The following PLS3 variants were observed in gnomAD, a reference collection of about 807,000 sequenced individuals.
PLS3 encodes the protein plastin 3.
A neutral mutation model predicts 46.5 loss-of-function variants in PLS3; 11 were observed. The observed-to-expected ratio is 0.24, with a 90% CI of 0.15 to 0.39. PLS3 has a LOEUF of 0.39. PLS3 is among the 10% of genes least tolerant of loss of function. The pLI is 1.00. For synonymous variants in PLS3, 167 were observed against 162.2 expected, an observed-to-expected ratio of 1.03 and a Z score of -0.22; for missense variants, 308 against 461.8, an observed-to-expected ratio of 0.67 and a Z score of 3.05.
Position 115,633,907 on chromosome X carries a change from G to A in PLS3, c.501-93G>A, listed in dbSNP as rs906236666. ...GTACATGAAAGAGATGTTATAGTAAGCTTTAAAATATTTGTAAATATTTAC... is the reference window on the plus strand; with the variant it reads ...GTACATGAAAGAGATGTTATAGTAAACTTTAAAATATTTGTAAATATTTAC... On this transcript the variant is annotated intron_variant, in intron 5 of 15. Transcript: ENST00000355899. The A allele has an allele frequency of 1.3e-5, 7 of 528,712 alleles. No individual in the cohort carries two copies. In the East Asian group the frequency reaches 2.1e-4, roughly 16 times the overall value. 43.6% of individuals were successfully genotyped at this position (528,712 alleles called of 1,213,427 possible).
chrX:115,563,168 A>C (rs1556629756), intron 1 of PLS3, among the ~76,000 whole-genome samples: 1 of 111,855 alleles, frequency 8.9e-6, no homozygotes, highest in African/African-American at 3.2e-5. Context: ...GGCTCTGTTC[A>C]TCTTCCTTGG....
chrX:115,572,092 G>A (rs1045341445), intron 1 of PLS3, among the ~76,000 whole-genome samples: 5 of 111,695 alleles, frequency 4.5e-5, no homozygotes. Flanking sequence ...TAACAGAAAA[G>A]TAATATTGAT....
At chrX:115,638,525 A>G (rs1257416942) in intron 8 of PLS3, among the ~76,000 whole-genome samples, 3 of 111,153 alleles carry the variant, frequency 2.7e-5, no homozygotes, top group Admixed American at 9.6e-5. Context: ...GATTACAGGC[A>G]TGAGCCATGG....
chrX:115,571,622 G>A (rs1006675977), intron 1 of PLS3, among the ~76,000 whole-genome samples: 8 of 111,727 alleles, frequency 7.2e-5, no homozygotes, highest in Non-Finnish European at 1.5e-4. Flanking sequence ...ACATGGCTCA[G>A]TAAATTACAG....
chrX:115,648,138 C>G (rs1340242331), intron 15 of PLS3, 121 bp downstream of exon 15: 1 of 491,136 alleles, frequency 2.0e-6, no homozygotes, highest in Non-Finnish European at 3.5e-6. Context: ...CTTGGAGCCT[C>G]AGATTCCTCA....
At chrX:115,630,866 C>CATGTATAT (rs1454611988) in intron 5 of PLS3, among the ~76,000 whole-genome samples, 1 of 89,509 alleles carries the variant, frequency 1.1e-5, no homozygotes, top group Non-Finnish European at 2.1e-5. Context: ...GTATATTATA[C>CATGTATAT]ATGTATATAT....
At chrX:115,647,195 G>T (rs1206302354) in intron 13 of PLS3, among the ~76,000 whole-genome samples, 1 of 111,507 alleles carries the variant, frequency 9.0e-6, no homozygotes, top group Admixed American at 9.6e-5. Context: ...AGCACTTTGG[G>T]AGGCCAAGGA....
chrX:115,592,113 C>T (rs2074349461), intron 1 of PLS3, among the ~76,000 whole-genome samples: 1 of 111,754 alleles, frequency 8.9e-6, no homozygotes, highest in African/African-American at 3.3e-5. Flanking sequence ...TGTGAGTCAC[C>T]TCCTTATGCT....
At chrX:115,589,184 C>T (rs1556632802) in intron 1 of PLS3, among the ~76,000 whole-genome samples, 1 of 110,618 alleles carries the variant, frequency 9.0e-6, no homozygotes, top group African/African-American at 3.3e-5. Flanking sequence ...GTTGCCCACG[C>T]TGCTCTCGAA....
In PLS3 at chrX:115,636,452, C is replaced by T. The variant is rs1423370639; in HGVS notation, c.749-384C>T. Among the ~76,000 whole-genome samples, 5 of 111,089 alleles carry T rather than the reference C, an allele frequency of 4.5e-5. No homozygotes were observed. In the South Asian group the frequency reaches 1.1e-3, roughly 25 times the overall value. On this transcript the variant is annotated intron_variant, in intron 7 of 15. Coordinates refer to ENST00000355899, the MANE Select transcript of PLS3 (RefSeq NM_005032.7). ...TGATCTCCTGACCTCGTGATCCGCCCGCCTCGGCCTCCCAAAGTGCTGGGA... is the reference window on the plus strand; with the variant it reads ...TGATCTCCTGACCTCGTGATCCGCCTGCCTCGGCCTCCCAAAGTGCTGGGA...
Position 115,649,532 on chromosome X carries a change from T to C in PLS3, c.1864T>C (p.Leu622=), listed in dbSNP as rs1556642203. 1.7e-6 allele frequency: 2 copies of C among 1,209,371 alleles called. No homozygotes were observed. Among genetic ancestry groups the C allele is most frequent in the East Asian group, 3.0e-5 (1 of 33,828 alleles). Residue 622 remains leucine (L), a synonymous_variant, in exon 16 of 16, where the codon TTG becomes CTG. Coordinates refer to ENST00000355899, the MANE Select transcript of PLS3 (RefSeq NM_005032.7). ...PKMVMTVFAC[L]MGRGMKRV ...GATGGTCATGACTGTGTTTGCATGT[T>C]TGATGGGCAGGGGAATGAAGAGAGT... is the stretch of plus-strand genomic sequence containing the variant.
intron 1 of PLS3, among the ~76,000 whole-genome samples, chrX:115,602,699 C>T (rs2074456570): frequency 9.0e-6 from 1 of 110,843 alleles, no homozygotes; most frequent in Non-Finnish European, 1.9e-5. Context: ...CATGTTTTGT[C>T]CCCTCTTTGT....
rs192506642 is a variant in PLS3, at chrX:115,576,915, G to A, written c.-9+15655G>A. On this transcript the variant is annotated intron_variant, in intron 1 of 15. Transcript: ENST00000355899. ...ACAGTGTGCCATCGTTTGAAGAGCTGAGTCTAATCCACCTACTGATTTTTA... is the reference window on the plus strand; with the variant it reads ...ACAGTGTGCCATCGTTTGAAGAGCTAAGTCTAATCCACCTACTGATTTTTA... Among the ~76,000 whole-genome samples, 111 of 112,649 alleles carry A rather than the reference G, an allele frequency of 9.9e-4. No individual in the cohort carries two copies. In the Admixed American group the frequency reaches 0.01, roughly 10 times the overall value.
chrX:115,614,395 T>C, intron 2 of PLS3: 1 of 753,500 alleles, frequency 1.3e-6, no homozygotes, highest in African/African-American at 2.3e-5. Flanking sequence ...TCTAAACTTG[T>C]CCAGCCTTCT....
At chrX:115,576,326 T>C (rs782483665) in intron 1 of PLS3, among the ~76,000 whole-genome samples, 1 of 111,471 alleles carries the variant, frequency 9.0e-6, no homozygotes, top group Admixed American at 9.6e-5. Context: ...CCCAGCACTT[T>C]AGGAGGCCGA....
At chrX:115,646,997 G>T (rs1556641797) in intron 13 of PLS3, among the ~76,000 whole-genome samples, 1 of 112,118 alleles carries the variant, frequency 8.9e-6, no homozygotes, top group Non-Finnish European at 1.9e-5. Context: ...ACAGTGGGCT[G>T]TTGGACCTGC....
chrX:115,596,231 T>C (rs1367054593), intron 1 of PLS3, among the ~76,000 whole-genome samples: 1 of 111,800 alleles, frequency 8.9e-6, no homozygotes, highest in African/African-American at 3.3e-5. Flanking sequence ...TTCACAGCTT[T>C]CTCCAATAGA....
intron 2 of PLS3, among the ~76,000 whole-genome samples, chrX:115,611,343 G>C: frequency 9.0e-6 from 1 of 111,400 alleles, no homozygotes; most frequent in South Asian, 3.6e-4. Context: ...ATGATCGCGC[G>C]CACGCGCGTG....
intron 3 of PLS3, among the ~76,000 whole-genome samples, chrX:115,628,396 T>C (rs1382132203): frequency 8.9e-6 from 1 of 112,455 alleles, no homozygotes; most frequent in Non-Finnish European, 1.9e-5. Context: ...TTGTATACGG[T>C]TTCTACATCT....
Sources: gnomAD v4.1 joint callset for allele counts (sites outside exome capture counted in the v4.1 genomes callset) on GRCh38, gnomAD v4.1.1 for gene constraint, MANE v1.5 for transcripts, NCBI Gene and HGNC (gene_info 2026-07-23, HGNC 2026-07-21) for gene names.